The following TMEM132D variants were observed in gnomAD, a reference collection of about 807,000 sequenced individuals.
The protein encoded by TMEM132D is mature OL transmembrane protein.
A neutral mutation model predicts 62.3 loss-of-function variants in TMEM132D; 21 were observed. The ratio of observed to expected loss-of-function variants is 0.34; its 90% CI spans 0.24 to 0.49. The LOEUF is 0.49. Among genes scored for constraint, TMEM132D ranks in the 20% least tolerant of loss-of-function variants. TMEM132D has a pLI of 0.99. For missense variants in TMEM132D, 1,346 were observed against 1,402.8 expected, an observed-to-expected ratio of 0.96 and a Z score of 0.65; for synonymous variants, 621 against 575.6, an observed-to-expected ratio of 1.08 and a Z score of -1.13.
rs2135602981 is a variant in TMEM132D at position 129,074,416 on chromosome 12, A to G, written c.2759T>C (p.Met920Thr). The G allele has an allele frequency of 1.2e-6, 2 of 1,614,116 alleles. No individual in the cohort carries two copies. Among genetic ancestry groups the G allele is most frequent in the South Asian group, 2.2e-5 (2 of 91,076 alleles). ...SKGLSDLEIGMYALLGVFCLA... is the reference protein window; with the variant it reads ...SKGLSDLEIGTYALLGVFCLA... ...ACAGAAGACTCCCAACAAAGCATAC[A>G]TCCCAATTTCTAAGTCGCTCAGCCC... The change falls in exon 9 of 9, where the codon ATG becomes ACG. Residue 920 changes from methionine (M) to threonine (T), a missense_variant. Physicochemically the swap from Met to Thr is moderately conservative, Grantham distance 81 (BLOSUM62 -1). Coordinates refer to ENST00000422113, the MANE Select transcript of TMEM132D (RefSeq NM_133448.3).
intron 3 of TMEM132D, among the ~76,000 whole-genome samples, chr12:129,439,923 T>C (rs1466084056): frequency 6.6e-6 from 1 of 152,206 alleles, no homozygotes; most frequent in East Asian, 1.9e-4. Context: ...CTGGGGCAGA[T>C]GCTTGAAGGA....
chr12:129,643,874 C>T (rs1190971436), intron 2 of TMEM132D, among the ~76,000 whole-genome samples: 1 of 147,934 alleles, frequency 6.8e-6, no homozygotes, highest in Non-Finnish European at 1.5e-5. Context: ...GAGACAGAGT[C>T]TCACTCTGTC....
chr12:129,536,645 T>G (rs1041567203), intron 2 of TMEM132D, among the ~76,000 whole-genome samples: 2 of 152,192 alleles, frequency 1.3e-5, no homozygotes, highest in African/African-American at 4.8e-5. Flanking sequence ...AATGCCACTG[T>G]CAGTATTTTA....
intron 5 of TMEM132D, among the ~76,000 whole-genome samples, chr12:129,112,520 G>A (rs1248326439): frequency 1.3e-5 from 2 of 152,130 alleles, no homozygotes; most frequent in South Asian, 2.1e-4. Flanking sequence ...AAAATTAGCC[G>A]GGTATGGTGG....
intron 2 of TMEM132D, among the ~76,000 whole-genome samples, chr12:129,550,182 G>A (rs1876855136): frequency 6.6e-6 from 1 of 152,138 alleles, no homozygotes; most frequent in African/African-American, 2.4e-5. Context: ...TGGATGAAAA[G>A]GCAGAGGGCA....
chr12:129,273,136 C>T (rs1880901450), intron 4 of TMEM132D, among the ~76,000 whole-genome samples: 1 of 151,808 alleles, frequency 6.6e-6, no homozygotes, highest in South Asian at 2.1e-4. Flanking sequence ...GTGGAGGTTG[C>T]AGTGAGCTGA....
At position 129,739,142 on chromosome 12, in the gene TMEM132D, G is replaced by A. The variant is rs372352583; in HGVS notation, c.80-38444C>T. Among the ~76,000 whole-genome samples, 274 of 152,310 alleles carry A rather than the reference G, an allele frequency of 1.8e-3. 1 individual carries two copies. The highest frequency in any genetic ancestry group is 6.3e-3 in the African/African-American group (264 of 41,576). On this transcript the variant is annotated intron_variant, in intron 1 of 8. Coordinates refer to ENST00000422113, the MANE Select transcript of TMEM132D (RefSeq NM_133448.3). ...CTGCCCTAGCCCAGCTCACTCTTAG[G>A]CGGTATAGTGAGGAGGTGGGTGGGT...
chr12:129,546,708 G>A (rs538282749), intron 2 of TMEM132D, among the ~76,000 whole-genome samples: 27 of 152,018 alleles, frequency 1.8e-4, no homozygotes, highest in Non-Finnish European at 3.2e-4. Flanking sequence ...GGCTGAGGCA[G>A]GAGAATTGCT....
At chr12:129,493,249 T>C (rs1874854809) in intron 3 of TMEM132D, among the ~76,000 whole-genome samples, 1 of 152,246 alleles carries the variant, frequency 6.6e-6, no homozygotes, top group Admixed American at 6.5e-5. Flanking sequence ...CAGCTACCAT[T>C]ATTGACAGTC....
intron 2 of TMEM132D, among the ~76,000 whole-genome samples, chr12:129,655,356 C>T (rs539461095): frequency 6.6e-6 from 1 of 151,844 alleles, no homozygotes; most frequent in South Asian, 2.1e-4. Context: ...AAGCAATTCT[C>T]ATGCCTCAGC....
chr12:129,707,177 ATATC>A (rs760951036), intron 1 of TMEM132D, among the ~76,000 whole-genome samples: 6 of 148,168 alleles, frequency 4.0e-5, no homozygotes, highest in East Asian at 3.9e-4. Flanking sequence ...AATATATACT[ATATC>A]TATAATAACA....
chr12:129,812,928 A>G (rs969389185), intron 1 of TMEM132D, among the ~76,000 whole-genome samples: 2 of 151,812 alleles, frequency 1.3e-5, no homozygotes, highest in Admixed American at 1.3e-4. Flanking sequence ...TTGTAAATTC[A>G]GTGCCTAGTA....
At chr12:129,280,330 T>C (rs1881106969) in intron 4 of TMEM132D, among the ~76,000 whole-genome samples, 1 of 152,224 alleles carries the variant, frequency 6.6e-6, no homozygotes, top group Non-Finnish European at 1.5e-5. Context: ...TTCTGATCTA[T>C]AAAACATGTG....
chr12:129,299,113 T>A (rs1881645259), intron 4 of TMEM132D, among the ~76,000 whole-genome samples: 1 of 152,204 alleles, frequency 6.6e-6, no homozygotes, highest in Non-Finnish European at 1.5e-5. Context: ...GCCAAAGTGG[T>A]TCAGATATGA....
chr12:129,561,474 C>A (rs749066289), intron 2 of TMEM132D, among the ~76,000 whole-genome samples: 2 of 152,184 alleles, frequency 1.3e-5, no homozygotes, highest in Non-Finnish European at 2.9e-5. Flanking sequence ...CTTCATGTCA[C>A]ACTAATAGTT....
At chr12:129,077,199 G>A (rs1874289220) in intron 8 of TMEM132D, among the ~76,000 whole-genome samples, 1 of 152,192 alleles carries the variant, frequency 6.6e-6, no homozygotes, top group South Asian at 2.1e-4. Flanking sequence ...TCTGAACATG[G>A]CCACAGCCGC....
intron 2 of TMEM132D, among the ~76,000 whole-genome samples, chr12:129,587,606 G>A (rs1421480494): frequency 1.3e-5 from 2 of 151,982 alleles, no homozygotes; most frequent in East Asian, 1.9e-4. Context: ...AATATGGAAC[G>A]GTTTGTACTT....
At chr12:129,154,423 G>A (rs1359799714) in intron 5 of TMEM132D, among the ~76,000 whole-genome samples, 1 of 152,146 alleles carries the variant, frequency 6.6e-6, no homozygotes, top group Non-Finnish European at 1.5e-5. Flanking sequence ...AACAAATATG[G>A]ACTGCTTAGC....
At chr12:129,508,892 G>C (rs907302428) in intron 3 of TMEM132D, among the ~76,000 whole-genome samples, 4 of 143,888 alleles carry the variant, frequency 2.8e-5, no homozygotes, top group African/African-American at 1.0e-4. Context: ...CAGCATGACA[G>C]ACCCAGTGTT....
Sources: allele counts gnomAD v4.1 joint callset (sites outside exome capture counted in the v4.1 genomes callset), GRCh38; gene constraint gnomAD v4.1.1; transcripts MANE v1.5; gene names NCBI Gene and HGNC (gene_info 2026-07-23, HGNC 2026-07-21).